Variants in LRRC27 observed in about 807,000 individuals in gnomAD.
LRRC27 encodes the protein leucine-rich repeat-containing protein 27.
LRRC27 carries 57 observed loss-of-function variants against 55.0 expected under a neutral mutation model. The observed-to-expected ratio is 1.04, with a 90% CI of 0.84 to 1.29. LRRC27 has a LOEUF of 1.29. Ranked by LOEUF, LRRC27 falls within the 50% of genes most tolerant of loss-of-function variation. The pLI is 0.00. For synonymous variants in LRRC27, 278 were observed against 251.9 expected, an observed-to-expected ratio of 1.10 and a Z score of -0.98; for missense variants, 721 against 651.5, an observed-to-expected ratio of 1.11 and a Z score of -1.16.
chr10:132,346,421 G>A (rs1263985079), intron 5 of LRRC27, among the ~76,000 whole-genome samples: 1 of 152,102 alleles, frequency 6.6e-6, no homozygotes, highest in African/African-American at 2.4e-5. Flanking sequence ...TCACGCCTGT[G>A]ATCCCAGCAC....
chr10:132,375,235 A>G lies in LRRC27; in HGVS notation c.1586A>G (p.Tyr529Cys). Residue 529 changes from tyrosine (Y) to cysteine (C), a missense_variant, in exon 11 of 11, where the codon TAC becomes TGC. Coordinates refer to ENST00000368614, the MANE Select transcript of LRRC27 (RefSeq NM_030626.3). ...KYGESGNVRRYQ is the reference protein window; with the variant it reads ...KYGESGNVRRCQ Reference sequence around the variant, plus strand: ...GGAGAATCAGGAAATGTTCGCAGATACCAGTGACACCAGGTGGCTGGACTG... The same window carrying G: ...GGAGAATCAGGAAATGTTCGCAGATGCCAGTGACACCAGGTGGCTGGACTG... 1 of 1,612,224 alleles carries G rather than the reference A, an allele frequency of 6.2e-7. No individual in the cohort carries two copies. The highest frequency in any genetic ancestry group is 8.5e-7 in the Non-Finnish European group (1 of 1,178,828).
intron 7 of LRRC27, 26 bp downstream of exon 7, chr10:132,351,779 G>T: frequency 6.3e-7 from 1 of 1,586,116 alleles, no homozygotes; most frequent in Non-Finnish European, 8.6e-7. Flanking sequence ...GTGGGGGTCC[G>T]CACAGCCCGC....
Position 132,374,351 on chromosome 10 carries a change from C to CTT in LRRC27, c.1417-714_1417-713insTT, listed in dbSNP as rs1822874443. ...GAGACGGGAGCCGGGTGGCCCAGGG[C>CTT]TCCTGTGCTTGGAGTGGGGGAGGTT... On this transcript the variant is annotated intron_variant, in intron 10 of 10. Coordinates refer to ENST00000368614, the MANE Select transcript of LRRC27 (RefSeq NM_030626.3). This position sits in a 1 kb window ranked among gnomAD's most constrained non-coding sequence, Gnocchi z 4.4. 6.6e-6 allele frequency among the ~76,000 whole-genome samples: 1 copy of CTT among 152,110 alleles called. No homozygotes were observed.
intron 3 of LRRC27, among the ~76,000 whole-genome samples, chr10:132,341,711 A>C (rs1054201575): frequency 6.6e-6 from 1 of 152,156 alleles, no homozygotes; most frequent in Non-Finnish European, 1.5e-5. Context: ...GAAGTCTCTC[A>C]AACATTTTTG....
At position 132,375,660 on chromosome 10, in the gene LRRC27, A is replaced by G. The variant is rs113797407; in HGVS notation, c.*418A>G. 6,884 of 155,574 alleles carry G rather than the reference A, an allele frequency of 0.044. 429 individuals carry two copies. The highest frequency in any genetic ancestry group is 0.15 in the African/African-American group (6,140 of 41,564). 9.6% of individuals were successfully genotyped at this position (155,574 alleles called of 1,614,324 possible). A position where few individuals can be genotyped will look rare whatever the true frequency, so the allele number is the denominator to read the frequency against. ...CCAAGCCGGAAGTCCCTGCAGCACC[A>G]CCTTTGGCTAGGAGGGAGGGGTGAC... On this transcript the variant is annotated 3_prime_UTR_variant, in exon 11 of 11. Coordinates refer to ENST00000368614, the MANE Select transcript of LRRC27 (RefSeq NM_030626.3).
chr10:132,346,899 C>G (rs1335328798), intron 5 of LRRC27, among the ~76,000 whole-genome samples: 1 of 152,208 alleles, frequency 6.6e-6, no homozygotes, highest in Non-Finnish European at 1.5e-5. Context: ...ACCTAAGACC[C>G]TGAGCACGCA....
At chr10:132,331,973 C>A, upstream of LRRC27, 2 of 492,918 alleles carry the variant, frequency 4.1e-6, no homozygotes, top group East Asian at 3.6e-5. Context: ...CACCCCGCCC[C>A]CTCCCGGGCA....
At chr10:132,331,425 AG>A, upstream of LRRC27, 1 of 1,604,908 alleles carries the variant, frequency 6.2e-7, no homozygotes, top group Non-Finnish European at 8.5e-7. Context: ...ACCCTTCCTC[AG>A]GACACTCACT....
intron 10 of LRRC27, among the ~76,000 whole-genome samples, chr10:132,369,523 A>G (rs61864528): frequency 0.45 from 68,047 of 152,036 alleles, 15,782 homozygotes; most frequent in Middle Eastern, 0.52. Flanking sequence ...TGAAAGGATC[A>G]TGGTGGCCCG....
rs72863827 is a variant in LRRC27 at position 132,374,078 on chromosome 10, T to C, written c.1417-988T>C. ...GGCTGCAGGGGTCTCCGGGGACCTG[T>C]TGTGATATGGCTGCATGGTGAGGGG... On this transcript the variant is annotated intron_variant, in intron 10 of 10. Transcript: ENST00000368614. This position sits in a 1 kb window ranked among gnomAD's most constrained non-coding sequence, Gnocchi z 4.4. Among the ~76,000 whole-genome samples, 21,742 of 138,084 alleles carry C rather than the reference T, an allele frequency of 0.16. 2,127 individuals are homozygous for C. Among genetic ancestry groups the C allele is most frequent in the Middle Eastern group, 0.25 (59 of 232 alleles). 90.6% of individuals were successfully genotyped at this position (138,084 alleles called of 152,430 possible).
intron 10 of LRRC27, among the ~76,000 whole-genome samples, chr10:132,369,621 G>A (rs1328461789): frequency 2.0e-5 from 3 of 152,156 alleles, no homozygotes; most frequent in Admixed American, 2.0e-4. Flanking sequence ...ATGCTGTATT[G>A]TTGGATCCAT....
At chr10:132,354,900 G>A (rs1318014948) in intron 7 of LRRC27, among the ~76,000 whole-genome samples, 2 of 152,192 alleles carry the variant, frequency 1.3e-5, no homozygotes, top group African/African-American at 4.8e-5. Context: ...TGGAGCCCTG[G>A]GCCTGAGCAA....
Position 132,337,596 on chromosome 10 carries a change from T to C in LRRC27, c.242T>C (p.Val81Ala). Residue 81 changes from valine (V) to alanine (A), a missense_variant, in exon 3 of 11, where the codon GTG becomes GCG. Coordinates refer to ENST00000368614, the MANE Select transcript of LRRC27 (RefSeq NM_030626.3). ...QLHLQRNALCVIPQDFFQLLP... is the reference protein window; with the variant it reads ...QLHLQRNALCAIPQDFFQLLP... ...CATCTGCAAAGGAATGCCCTGTGTG[T>C]GATTCCTCAAGATTTCTTTCAGTTG... The C allele has an allele frequency of 6.2e-7, 1 of 1,614,224 alleles. No individual in the cohort carries two copies. Among genetic ancestry groups the C allele is most frequent in the Non-Finnish European group, 8.5e-7 (1 of 1,180,018 alleles).
intron 8 of LRRC27, among the ~76,000 whole-genome samples, chr10:132,359,985 C>G (rs529059092): frequency 1.3e-5 from 2 of 152,324 alleles, no homozygotes; most frequent in South Asian, 4.1e-4. Flanking sequence ...AGTCTTCCTT[C>G]TCTATATTTT....
At chr10:132,357,032 G>A (rs1251575467) in intron 8 of LRRC27, among the ~76,000 whole-genome samples, 1 of 152,254 alleles carries the variant, frequency 6.6e-6, no homozygotes. Flanking sequence ...TGCTTGGACA[G>A]TTCAGGAGTG....
intron 8 of LRRC27, among the ~76,000 whole-genome samples, chr10:132,358,728 G>A (rs1374906037): frequency 5.9e-4 from 37 of 62,582 alleles, no homozygotes; most frequent in African/African-American, 1.9e-3. Flanking sequence ...AGCCAAGGTG[G>A]TGGAGCAGCG....
intron 8 of LRRC27, among the ~76,000 whole-genome samples, chr10:132,359,959 G>A (rs979861075): frequency 3.3e-5 from 5 of 152,328 alleles, no homozygotes; most frequent in African/African-American, 9.6e-5. Context: ...TCACTCAAGA[G>A]CTGGATGTTC....
Position 132,378,627 on chromosome 10 carries a change from G to C in LRRC27, c.*3385G>C, listed in dbSNP as rs562983012. 2.0e-5 allele frequency: 3 copies of C among 152,152 alleles called. No homozygotes were observed. Among genetic ancestry groups the C allele is most frequent in the Admixed American group, 1.3e-4 (2 of 15,282 alleles). The allele number at this position is 152,152 out of a possible 1,614,324, so 9.4% of individuals were successfully genotyped here. A position where few individuals can be genotyped will look rare whatever the true frequency, so the allele number is the denominator to read the frequency against. Reference sequence around the variant, plus strand: ...ATCAGGCTAGATGCCTCCTGTCTACGTGGTTTTAGATTTACGAATCCTGTC... The same window carrying C: ...ATCAGGCTAGATGCCTCCTGTCTACCTGGTTTTAGATTTACGAATCCTGTC... On this transcript the variant is annotated 3_prime_UTR_variant, in exon 11 of 11. Transcript: ENST00000368614.
At chr10:132,368,785 G>A (rs1016987991) in intron 10 of LRRC27, among the ~76,000 whole-genome samples, 2 of 152,200 alleles carry the variant, frequency 1.3e-5, no homozygotes, top group Non-Finnish European at 2.9e-5. Flanking sequence ...ATCCATGACA[G>A]AAATAATTGA....
Sources: gnomAD v4.1 joint callset for allele counts (sites outside exome capture counted in the v4.1 genomes callset) on GRCh38, gnomAD v4.1.1 for gene constraint, Gnocchi (gnomAD v3.1) non-coding constraint, MANE v1.5 for transcripts, NCBI Gene and HGNC (gene_info 2026-07-23, HGNC 2026-07-21) for gene names.